The following GRID2 variants were observed in gnomAD, a reference collection of about 807,000 sequenced individuals.
GRID2 encodes the protein glutamate receptor ionotropic, delta-2.
Under a neutral mutation model 114.8 loss-of-function variants are expected in GRID2, and 33 were observed. The ratio of observed to expected loss-of-function variants is 0.29; its 90% CI spans 0.22 to 0.38. The LOEUF (loss-of-function observed/expected upper bound fraction) is 0.38, where lower values mean the gene tolerates loss of function less well. GRID2 is among the 10% of genes least tolerant of loss of function. The pLI, the probability that GRID2 is intolerant of heterozygous loss-of-function variation, is 1.00. For synonymous variants in GRID2, 505 were observed against 449.9 expected (o/e 1.12, Z -1.55); for missense variants, 1,184 against 1,257.7 (o/e 0.94, Z 0.89).
intron 2 of GRID2, among the ~76,000 whole-genome samples, chr4:92,871,278 T>C (rs1220221208): frequency 6.6e-6 from 1 of 152,086 alleles, no homozygotes; most frequent in African/African-American, 2.4e-5. Flanking sequence ...CTAAATAACT[T>C]CAATGGTCAT....
Position 93,472,245 on chromosome 4 carries a change from C to A in GRID2, c.1858+16271C>A, listed in dbSNP as rs116412126. On this transcript the variant is annotated intron_variant, in intron 11 of 15. Transcript: ENST00000282020. Reference sequence around the variant, plus strand: ...AGGCTGAGGCAGGAGAATCATTGAACCCAGAAGGCGGAGGTTGCAGTGAAC... The same window carrying A: ...AGGCTGAGGCAGGAGAATCATTGAAACCAGAAGGCGGAGGTTGCAGTGAAC... 7.8e-3 allele frequency among the ~76,000 whole-genome samples: 1,178 copies of A among 151,804 alleles called. 11 individuals carry two copies. The highest frequency in any genetic ancestry group is 0.027 in the African/African-American group (1,138 of 41,436).
intron 4 of GRID2, among the ~76,000 whole-genome samples, chr4:93,126,556 G>A (rs1044708294): frequency 2.9e-5 from 4 of 136,094 alleles, no homozygotes; most frequent in East Asian, 2.3e-4. Flanking sequence ...ATTATCCCTG[G>A]TTGACAGTCA....
At chr4:93,441,751 T>C (rs1454173831) in intron 10 of GRID2, among the ~76,000 whole-genome samples, 2 of 152,042 alleles carry the variant, frequency 1.3e-5, no homozygotes, top group Non-Finnish European at 2.9e-5. Flanking sequence ...GCCATTTGGG[T>C]ACTTCAGATT....
At chr4:92,923,977 T>C (rs1258623871) in intron 2 of GRID2, among the ~76,000 whole-genome samples, 6 of 152,100 alleles carry the variant, frequency 3.9e-5, no homozygotes, top group Admixed American at 2.6e-4. Flanking sequence ...CTATTCACAA[T>C]AGCAAAGACT....
intron 1 of GRID2, among the ~76,000 whole-genome samples, chr4:92,489,078 G>A (rs751275694): frequency 8.7e-4 from 132 of 152,060 alleles, no homozygotes; most frequent in Non-Finnish European, 1.6e-3. Flanking sequence ...GTCCTCAGAA[G>A]ACATTACTAC....
In GRID2 at chr4:92,690,057, C is replaced by A. The variant is rs184588934; in HGVS notation, c.244+99771C>A. Among the ~76,000 whole-genome samples the A allele has an allele frequency of 3.9e-5, 6 of 152,174 alleles. No homozygotes were observed. The East Asian group carries it at 9.7e-4, about 25-fold the overall frequency. ...TTACTATTCATATGTTTACTGGAGT[C>A]ACCCTTAAAAAAATTTTTTTAAGCT... On this transcript the variant is annotated intron_variant, in intron 2 of 15. Coordinates refer to ENST00000282020, the MANE Select transcript of GRID2 (RefSeq NM_001510.4).
chr4:92,401,101 A>G (rs749517384), intron 1 of GRID2, among the ~76,000 whole-genome samples: 3 of 151,984 alleles, frequency 2.0e-5, no homozygotes, highest in Admixed American at 6.6e-5. Flanking sequence ...ATGAAGTGCA[A>G]TTTATCTATT....
chr4:92,385,762 C>CT (rs1420394472), intron 1 of GRID2, among the ~76,000 whole-genome samples: 1 of 150,562 alleles, frequency 6.6e-6, no homozygotes, highest in Non-Finnish European at 1.5e-5. Context: ...TGTAATATAC[C>CT]TTTGTAGTTC....
At chr4:92,477,583 A>G (rs1458166513) in intron 1 of GRID2, among the ~76,000 whole-genome samples, 1 of 151,772 alleles carries the variant, frequency 6.6e-6, no homozygotes. Flanking sequence ...GCATATGAGC[A>G]CAACACATAA....
At chr4:92,349,705 A>G (rs1467748519) in intron 1 of GRID2, among the ~76,000 whole-genome samples, 1 of 151,808 alleles carries the variant, frequency 6.6e-6, no homozygotes, top group Non-Finnish European at 1.5e-5. Context: ...AATAGATGGT[A>G]TTTTAATATT....
chr4:93,436,445 G>A (rs963002210), intron 10 of GRID2, among the ~76,000 whole-genome samples: 3 of 152,110 alleles, frequency 2.0e-5, no homozygotes, highest in Admixed American at 6.6e-5. Context: ...ACTTGCCCAG[G>A]TGGAGCACTG....
chr4:92,980,371 TAAA>T (rs1463349648), intron 2 of GRID2, among the ~76,000 whole-genome samples: 9 of 152,068 alleles, frequency 5.9e-5, no homozygotes, highest in Admixed American at 2.6e-4. Flanking sequence ...TATTTTACCT[TAAA>T]AATAATTGAA....
At chr4:93,206,591 T>TATAC (rs1742811766) in intron 4 of GRID2, among the ~76,000 whole-genome samples, 1 of 142,960 alleles carries the variant, frequency 7.0e-6, no homozygotes, top group African/African-American at 2.6e-5. Flanking sequence ...CTGCCCCTAC[T>TATAC]ACACACACAC....
At chr4:92,345,267 A>C (rs766515337) in intron 1 of GRID2, among the ~76,000 whole-genome samples, 2 of 152,182 alleles carry the variant, frequency 1.3e-5, no homozygotes, top group African/African-American at 4.8e-5. Context: ...GCTCCATCCA[A>C]GTTGCTACAA....
intron 14 of GRID2, among the ~76,000 whole-genome samples, chr4:93,717,409 G>GTTT (rs11405578): frequency 1.3e-4 from 19 of 148,496 alleles, no homozygotes; most frequent in African/African-American, 4.7e-4. Flanking sequence ...TGTAATAGGT[G>GTTT]TTTTTTTTTT....
intron 1 of GRID2, among the ~76,000 whole-genome samples, chr4:93,792,309 T>C (rs1734710542): frequency 6.6e-6 from 1 of 152,154 alleles, no homozygotes; most frequent in South Asian, 2.1e-4. Context: ...AGTGGTGCTA[T>C]GAGGCTAGTT....
intron 1 of GRID2, among the ~76,000 whole-genome samples, chr4:92,359,826 G>C (rs531372585): frequency 6.6e-6 from 1 of 151,818 alleles, no homozygotes; most frequent in African/African-American, 2.4e-5. Flanking sequence ...TTTTTTCCTA[G>C]GCAATTTCCC....
chr4:92,666,650 G>GTTTTTTGTTTTTTTTTTTTTTT lies in GRID2; in HGVS notation c.244+76370_244+76371insGTTTTTTTTTTTTTTTTTTTTT, dbSNP rs1286942855. On this transcript the variant is annotated intron_variant, in intron 2 of 15. Transcript: ENST00000282020. The stretch of plus-strand genomic sequence containing the variant: ...AGGCTGATGTGTAAACTTAAGGGTT[G>GTTTTTTGTTTTTTTTTTTTTTT]TTTTTTTTTTTTTTTTTTTTCAGAT... Among the ~76,000 whole-genome samples, 21 of 68,600 alleles carry GTTTTTTGTTTTTTTTTTTTTTT rather than the reference G, an allele frequency of 3.1e-4. 1 individual carries two copies. Among genetic ancestry groups the GTTTTTTGTTTTTTTTTTTTTTT allele is most frequent in the African/African-American group, 9.4e-4 (18 of 19,080 alleles). The allele number at this position is 68,600 out of a possible 152,430, so 45.0% of individuals were successfully genotyped here. A position where few individuals can be genotyped will look rare whatever the true frequency, so the allele number is the denominator to read the frequency against.
At chr4:93,018,764 A>T (rs890354125) in intron 2 of GRID2, among the ~76,000 whole-genome samples, 8 of 152,172 alleles carry the variant, frequency 5.3e-5, no homozygotes, top group African/African-American at 1.9e-4. Flanking sequence ...CTTTCTTATT[A>T]TTCTTTGCTT....
Sources: gnomAD v4.1 joint callset for allele counts (sites outside exome capture counted in the v4.1 genomes callset) on GRCh38, gnomAD v4.1.1 for gene constraint, MANE v1.5 for transcripts, NCBI Gene and HGNC (gene_info 2026-07-23, HGNC 2026-07-21) for gene names.